Variants in CMKLR1 observed in about 807,000 individuals in gnomAD.
CMKLR1 encodes the protein chemerin-like receptor 1.
In CMKLR1, 6 loss-of-function variants were observed where a neutral mutation model predicts 8.2. That is an observed-to-expected ratio of 0.73 (90% CI 0.40 to 1.44). CMKLR1 has a LOEUF of 1.44. Among genes scored for constraint, CMKLR1 ranks in the 40% most tolerant of loss-of-function variants. The probability of loss-of-function intolerance (pLI) is 0.02; values close to 1 mark genes in which losing one functional copy is unlikely to be tolerated. For synonymous variants in CMKLR1, 178 were observed against 181.2 expected, an observed-to-expected ratio of 0.98 and a Z score of 0.14; for missense variants, 429 against 478.0, an observed-to-expected ratio of 0.90 and a Z score of 0.96.
chr12:108,292,100 G>A lies in CMKLR1; in HGVS notation c.863C>T (p.Ala288Val), dbSNP rs1566016715. ...TLNLLELHHT[A>V]MPGSVFSLGL... The stretch of plus-strand genomic sequence containing the variant: ...CAGGCTGAAGACAGAGCCAGGCATG[G>A]CAGTGTGGTGGAGCTCTAGGAGGTT... Residue 288 changes from alanine to valine, a missense_variant, in exon 4 of 4, where the codon GCC (alanine) becomes GTC (valine). Physicochemically the swap from Ala to Val is moderately conservative, Grantham distance 64. Coordinates refer to ENST00000550402, the MANE Select transcript of CMKLR1 (RefSeq NM_001142343.2). The A allele has an allele frequency of 6.8e-6, 11 of 1,614,236 alleles. No homozygotes were observed. The highest frequency in any genetic ancestry group is 9.3e-6 in the Non-Finnish European group (11 of 1,180,036).
intron 2 of CMKLR1, among the ~76,000 whole-genome samples, chr12:108,309,197 T>C (rs1891488285): frequency 6.6e-6 from 1 of 152,228 alleles, no homozygotes; most frequent in Non-Finnish European, 1.5e-5. Context: ...GGAAGCTCTA[T>C]GTAAATGCTG....
chr12:108,301,629 G>A (rs1891277300), intron 2 of CMKLR1, among the ~76,000 whole-genome samples: 1 of 152,332 alleles, frequency 6.6e-6, no homozygotes, highest in African/African-American at 2.4e-5. Flanking sequence ...CTACTATGTG[G>A]CAGGAGCCAA....
At chr12:108,311,230 CTCAGATGCCAAAACCATTCCTACTATG>C (rs1891559573) in intron 2 of CMKLR1, among the ~76,000 whole-genome samples, 1 of 152,184 alleles carries the variant, frequency 6.6e-6, no homozygotes, top group South Asian at 2.1e-4. Context: ...AGGACTGGGG[CTCAGATGCCAAAACCATTCCTACTATG>C]TCAGATCCAG....
At position 108,292,816 on chromosome 12, in the gene CMKLR1, G is replaced by A. The variant is rs764920082; in HGVS notation, c.147C>T (p.Ile49=). The change falls in exon 4 of 4, where the codon ATC becomes ATT. Residue 49 remains isoleucine (I), a synonymous_variant. Coordinates refer to ENST00000550402, the MANE Select transcript of CMKLR1 (RefSeq NM_001142343.2). ...TRIFLVVVYS[I]VCFLGILGNG... ...TGCCCAGAATCCCGAGGAAGCAGAC[G>A]ATGCTGTAGACCACCACCAGGAAGA... The A allele has an allele frequency of 1.6e-5, 26 of 1,614,050 alleles. No homozygotes were observed. The highest frequency in any genetic ancestry group is 1.6e-4 in the Middle Eastern group (1 of 6,084).
At chr12:108,314,993 A>G (rs1891685009) in intron 2 of CMKLR1, among the ~76,000 whole-genome samples, 1 of 141,646 alleles carries the variant, frequency 7.1e-6, no homozygotes, top group Non-Finnish European at 1.5e-5. Flanking sequence ...GCTGGAGTGC[A>G]ATGGCGCAAT....
At chr12:108,311,283 A>AATGT (rs1555252784) in intron 2 of CMKLR1, among the ~76,000 whole-genome samples, 5,448 of 151,816 alleles carry the variant, frequency 0.036, 126 homozygotes, top group Middle Eastern at 0.099. Flanking sequence ...GGTTGACATG[A>AATGT]ATGTGTGTAT....
intron 2 of CMKLR1, among the ~76,000 whole-genome samples, chr12:108,296,462 T>C (rs1178391326): frequency 6.6e-6 from 1 of 152,194 alleles, no homozygotes; most frequent in Non-Finnish European, 1.5e-5. Context: ...GGGATGAGGC[T>C]AGGAAGCCAG....
chr12:108,313,601 A>C (rs1346877572), intron 2 of CMKLR1, among the ~76,000 whole-genome samples: 1 of 152,190 alleles, frequency 6.6e-6, no homozygotes, highest in African/African-American at 2.4e-5. Context: ...GTTTGCCAGA[A>C]ACCAAGGGGT....
chr12:108,322,031 G>A, intron 2 of CMKLR1, among the ~76,000 whole-genome samples: 1 of 152,212 alleles, frequency 6.6e-6, no homozygotes, highest in East Asian at 1.9e-4. Flanking sequence ...GAGGTTGAGG[G>A]GAAGGTAGAA....
rs1448785494 is a variant in CMKLR1 at position 108,288,978 on chromosome 12, G to A, written c.*2863C>T. 6.9e-6 allele frequency: 1 copy of A among 145,220 alleles called. No homozygotes were observed. Among genetic ancestry groups the A allele is most frequent in the African/African-American group, 2.6e-5 (1 of 38,336 alleles). The allele number at this position is 145,220 out of a possible 1,614,324, so 9.0% of individuals were successfully genotyped here. On this transcript the variant is annotated 3_prime_UTR_variant, in exon 4 of 4. Transcript: ENST00000550402. ...CACCCCCCCCCCACCTTGCTATGAT[G>A]GTCCCCTTCTGCCAGGGCCAATTTG...
chr12:108,323,342 TTTTATTTATTTA>T (rs139230013), intron 2 of CMKLR1, among the ~76,000 whole-genome samples: 1 of 151,080 alleles, frequency 6.6e-6, no homozygotes, highest in South Asian at 2.1e-4. Context: ...CCCTTTTTTA[TTTTATTTATTTA>T]TTTATTTATT....
intron 2 of CMKLR1, among the ~76,000 whole-genome samples, chr12:108,307,408 A>G (rs1285559858): frequency 4.6e-5 from 7 of 152,162 alleles, no homozygotes; most frequent in African/African-American, 1.4e-4. Context: ...CCAGGTCAGC[A>G]CAGCTCACCC....
At chr12:108,327,220 A>G (rs1053571552) in intron 2 of CMKLR1, among the ~76,000 whole-genome samples, 1 of 152,214 alleles carries the variant, frequency 6.6e-6, no homozygotes, top group Non-Finnish European at 1.5e-5. Context: ...GCTCATGCCT[A>G]TAACTCCTTC....
At chr12:108,302,963 C>T (rs1891316859) in intron 2 of CMKLR1, among the ~76,000 whole-genome samples, 1 of 152,136 alleles carries the variant, frequency 6.6e-6, no homozygotes, top group South Asian at 2.1e-4. Context: ...GTCAACCCTC[C>T]CTCCTCTCCT....
intron 2 of CMKLR1, among the ~76,000 whole-genome samples, chr12:108,297,171 C>A (rs568742260): frequency 3.5e-4 from 54 of 152,278 alleles, no homozygotes; most frequent in African/African-American, 1.3e-3. Flanking sequence ...TCTTCCTGTT[C>A]CTCAGCCTAC....
At chr12:108,313,111 A>T (rs1281691346) in intron 2 of CMKLR1, among the ~76,000 whole-genome samples, 1 of 152,054 alleles carries the variant, frequency 6.6e-6, no homozygotes, top group East Asian at 1.9e-4. Context: ...AGCAATCAGG[A>T]CGGTGGAGTA....
intron 2 of CMKLR1, among the ~76,000 whole-genome samples, chr12:108,305,852 G>A (rs554975888): frequency 6.6e-6 from 1 of 152,300 alleles, no homozygotes; most frequent in South Asian, 2.1e-4. Flanking sequence ...GGCCACGACG[G>A]AGCTTAGGAC....
intron 2 of CMKLR1, among the ~76,000 whole-genome samples, chr12:108,305,347 A>G (rs1891380673): frequency 6.6e-6 from 1 of 152,220 alleles, no homozygotes; most frequent in Admixed American, 6.5e-5. Context: ...ATTTGAACCA[A>G]GGACTTTTTG....
At chr12:108,319,531 T>G (rs1357714280) in intron 2 of CMKLR1, among the ~76,000 whole-genome samples, 1 of 152,186 alleles carries the variant, frequency 6.6e-6, no homozygotes. Flanking sequence ...TTCCTCAGTT[T>G]CCCAATCTGT....
Sources: allele counts gnomAD v4.1 joint callset (sites outside exome capture counted in the v4.1 genomes callset), GRCh38; gene constraint gnomAD v4.1.1; transcripts MANE v1.5; gene names NCBI Gene and HGNC (gene_info 2026-07-23, HGNC 2026-07-21).